The following NSD2 variants were observed in gnomAD, a reference collection of about 807,000 sequenced individuals.
NSD2 encodes histone-lysine N-methyltransferase NSD2.
Under a neutral mutation model 139.0 loss-of-function variants are expected in NSD2, and 12 were observed. The observed-to-expected ratio is 0.09, with a 90% confidence interval of 0.06 to 0.14. NSD2 has a LOEUF of 0.14. Ranked by LOEUF, NSD2 falls within the 10% of genes least tolerant of loss-of-function variation. The probability of loss-of-function intolerance (pLI) is 1.00; values close to 1 mark genes in which losing one functional copy is unlikely to be tolerated. For synonymous variants in NSD2, 669 were observed against 648.7 expected, an observed-to-expected ratio of 1.03 and a Z score of -0.48; for missense variants, 1,155 against 1,745.0, an observed-to-expected ratio of 0.66 and a Z score of 6.02.
At chr4:1,978,429 G>A (rs2109032492) in intron 21 of NSD2, among the ~76,000 whole-genome samples, 1 of 152,322 alleles carries the variant, frequency 6.6e-6, no homozygotes, top group East Asian at 1.9e-4. Flanking sequence ...GTGGTCCTTA[G>A]GGGCCTGGCA....
intron 7 of NSD2, among the ~76,000 whole-genome samples, chr4:1,937,717 C>G (rs903695669): frequency 6.6e-6 from 1 of 152,194 alleles, no homozygotes; most frequent in Admixed American, 6.5e-5. Context: ...CTCACTGGCT[C>G]TGGTTCCAGG....
Position 1,976,418 on chromosome 4 carries a change from ATTT to A in NSD2, c.3622-56_3622-54del. The A allele has an allele frequency of 6.4e-7, 1 of 1,569,896 alleles. No homozygotes were observed. The highest frequency in any genetic ancestry group is 1.2e-5 in the South Asian group (1 of 85,994). Reference sequence around the variant, plus strand: ...GGAGTGTAGCTCGCTCTTCTGCCCTATTTGCTTCAGCCTGTGTAATTCTTTCCG... The same window carrying A: ...GGAGTGTAGCTCGCTCTTCTGCCCTAGCTTCAGCCTGTGTAATTCTTTCCG... On this transcript the variant is annotated intron_variant, in intron 20 of 21. Coordinates refer to ENST00000508803, the MANE Select transcript of NSD2 (RefSeq NM_001042424.3). The surrounding 1 kb of genome is among the most constrained non-coding windows in gnomAD (Gnocchi z 5.3).
intron 18 of NSD2, among the ~76,000 whole-genome samples, chr4:1,971,304 CT>C (rs781174112): frequency 1.3e-5 from 2 of 152,116 alleles, no homozygotes; most frequent in Non-Finnish European, 2.9e-5. Flanking sequence ...CAGAAGAAGG[CT>C]TTTTTGACAC....
At chr4:1,902,630 G>C (rs1213689367) in intron 2 of NSD2, among the ~76,000 whole-genome samples, 6 of 152,050 alleles carry the variant, frequency 3.9e-5, no homozygotes, top group Non-Finnish European at 7.3e-5. Context: ...TTTGAGACAG[G>C]GTCTTGGTAT....
At chr4:1,932,282 C>T (rs1176619195) in intron 6 of NSD2, among the ~76,000 whole-genome samples, 2 of 151,050 alleles carry the variant, frequency 1.3e-5, no homozygotes, top group East Asian at 3.9e-4. Flanking sequence ...ACTAAAAATA[C>T]AAAAAAATTA....
Position 1,900,742 on chromosome 4 carries a change from A to G in NSD2, c.88A>G (p.Ser30Gly). 1 of 1,614,164 alleles carries G rather than the reference A, an allele frequency of 6.2e-7. No individual in the cohort carries two copies. Among genetic ancestry groups the G allele is most frequent in the East Asian group, 2.2e-5 (1 of 44,878 alleles). Residue 30 changes from serine (S) to glycine (G), a missense_variant, in exon 2 of 22, where the codon AGT becomes GGT. By Grantham distance (56) the Ser-to-Gly change is moderately conservative. Around this residue, in one of 8 missense-constraint regions of NSD2, gnomAD observed 246 missense variants for 262.8 expected, o/e 0.94. Transcript: ENST00000508803. ...KMKQAPEILG[S>G]ANGKTPSCEV... ...GAAGCAGGCACCAGAAATCCTCGGCAGTGCCAACGGGAAGACTCCGAGCTG... is the reference window on the plus strand; with the variant it reads ...GAAGCAGGCACCAGAAATCCTCGGCGGTGCCAACGGGAAGACTCCGAGCTG...
At chr4:1,947,345 G>C in intron 9 of NSD2, 1 of 1,061,974 alleles carries the variant, frequency 9.4e-7, no homozygotes, top group Non-Finnish European at 1.1e-6. Flanking sequence ...CACCTGCTTG[G>C]GGCTATGTGG....
chr4:1,875,802 G>T (rs11937964), intron 1 of NSD2, among the ~76,000 whole-genome samples: 2 of 151,694 alleles, frequency 1.3e-5, no homozygotes, highest in Non-Finnish European at 2.9e-5. Context: ...CCAGCTACTC[G>T]GGAGGCTGAG....
intron 5 of NSD2, among the ~76,000 whole-genome samples, chr4:1,925,553 C>T (rs1430836025): frequency 6.6e-6 from 1 of 150,992 alleles, no homozygotes; most frequent in East Asian, 1.9e-4. Context: ...CACATGCCAC[C>T]ACATCCGGCT....
chr4:1,928,572 C>A (rs1721234899), intron 5 of NSD2, among the ~76,000 whole-genome samples: 1 of 152,150 alleles, frequency 6.6e-6, no homozygotes, highest in South Asian at 2.1e-4. Flanking sequence ...TCCTGGCTTC[C>A]CCGCAGAAGC....
At chr4:1,945,551 C>G in intron 9 of NSD2, 1 of 1,065,372 alleles carries the variant, frequency 9.4e-7, no homozygotes, top group African/African-American at 1.6e-5. Context: ...AGAAAGTGCT[C>G]CTGAGAAGGC....
At chr4:1,941,404 G>C in intron 9 of NSD2, 2 of 1,048,886 alleles carry the variant, frequency 1.9e-6, no homozygotes, top group Non-Finnish European at 1.2e-6. Context: ...CATGTATATC[G>C]AAGGCTTTGA....
At position 1,979,024 on chromosome 4, in the gene NSD2, G is replaced by A. The variant is rs1401935808; in HGVS notation, c.*115G>A. 3 of 1,337,228 alleles carry A rather than the reference G, an allele frequency of 2.2e-6. No individual in the cohort carries two copies. In the East Asian group the frequency reaches 7.7e-5, roughly 34 times the overall value. The allele number at this position is 1,337,228 out of a possible 1,614,324, so 82.8% of individuals were successfully genotyped here. Reference sequence around the variant, plus strand: ...ACCCAGCTCGAGCCGCCAGGACACAGACGTACAGGCCTCCTCGGGAGGGAG... The same window carrying A: ...ACCCAGCTCGAGCCGCCAGGACACAAACGTACAGGCCTCCTCGGGAGGGAG... On this transcript the variant is annotated 3_prime_UTR_variant, in exon 22 of 22. Transcript: ENST00000508803.
intron 1 of NSD2, among the ~76,000 whole-genome samples, chr4:1,898,608 T>C (rs1477464865): frequency 4.1e-5 from 6 of 148,060 alleles, no homozygotes; most frequent in Non-Finnish European, 7.4e-5. Flanking sequence ...TGCAGTGAGC[T>C]GAGATCGCAC....
rs114446218 is a variant in NSD2 at position 1,873,268 on chromosome 4, A to G, written c.-30+1726A>G. On this transcript the variant is annotated intron_variant, in intron 1 of 21. Coordinates refer to ENST00000508803, the MANE Select transcript of NSD2 (RefSeq NM_001042424.3). ...ATTGTCCTCTCCTGACTGCATTAAT[A>G]CCAGAGTCTGGCCTCTGATTATAAC... 4.6e-3 allele frequency among the ~76,000 whole-genome samples: 696 copies of G among 152,310 alleles called. 6 individuals carry two copies. Among genetic ancestry groups the G allele is most frequent in the African/African-American group, 0.016 (675 of 41,544 alleles).
At chr4:1,892,652 C>T (rs1472115414) in intron 1 of NSD2, 2 of 150,882 alleles carry the variant, frequency 1.3e-5, no homozygotes, top group South Asian at 2.1e-4. Context: ...CTCATTGTAA[C>T]CTCCGCCTCG....
rs1030204256 is a variant in NSD2, at chr4:1,959,834, G to A, written c.3255+94G>A. On this transcript the variant is annotated intron_variant, in intron 17 of 21. Coordinates refer to ENST00000508803, the MANE Select transcript of NSD2 (RefSeq NM_001042424.3). ...GCTTGTGGTGGTTTTGTAGTCATGT[G>A]AGAATGGTATTTTTTGGAAAAAAAA... The A allele has an allele frequency of 5.3e-6, 8 of 1,516,990 alleles. No individual in the cohort carries two copies. In the African/African-American group the frequency reaches 8.4e-5, roughly 16 times the overall value. The allele number at this position is 1,516,990 out of a possible 1,614,324, so 94.0% of individuals were successfully genotyped here. A position where few individuals can be genotyped will look rare whatever the true frequency, so the allele number is the denominator to read the frequency against.
At chr4:1,950,243 T>C (rs185758530) in intron 9 of NSD2, among the ~76,000 whole-genome samples, 3 of 152,328 alleles carry the variant, frequency 2.0e-5, no homozygotes, top group African/African-American at 7.2e-5. Context: ...AGGCTGAGGC[T>C]GTATTCAGCC....
chr4:1,967,267 G>C (rs1725983692), intron 18 of NSD2, among the ~76,000 whole-genome samples: 1 of 152,204 alleles, frequency 6.6e-6, no homozygotes, highest in South Asian at 2.1e-4. Context: ...CTAGTAGAGA[G>C]ATTGACTCAG....
Sources: gnomAD v4.1 joint callset for allele counts (sites outside exome capture counted in the v4.1 genomes callset) on GRCh38, gnomAD v4.1.1 for gene constraint, gnomAD v4.1.1 regional missense constraint, Gnocchi (gnomAD v3.1) non-coding constraint, MANE v1.5 for transcripts, NCBI Gene and HGNC (gene_info 2026-07-23, HGNC 2026-07-21) for gene names.